Variants in KSR2 observed in about 807,000 individuals in gnomAD.
KSR2 encodes kinase suppressor of ras 2.
In KSR2, 25 loss-of-function variants were observed where a neutral mutation model predicts 107.8. The observed-to-expected ratio is 0.23, with a 90% confidence interval of 0.17 to 0.32. The LOEUF is 0.32. Ranked by LOEUF, KSR2 falls within the 10% of genes least tolerant of loss-of-function variation. KSR2 has a pLI of 1.00. For synonymous variants in KSR2, 480 were observed against 507.0 expected, an observed-to-expected ratio of 0.95 and a Z score of 0.71; for missense variants, 887 against 1,268.9, an observed-to-expected ratio of 0.70 and a Z score of 4.57.
intron 3 of KSR2, among the ~76,000 whole-genome samples, chr12:117,774,797 G>A (rs1889627310): frequency 1.3e-5 from 2 of 151,920 alleles, no homozygotes; most frequent in African/African-American, 2.4e-5. Context: ...AGAAAACCCT[G>A]TCCCCATTCG....
chr12:117,558,327 T>C (rs964970797), intron 8 of KSR2, among the ~76,000 whole-genome samples, 179 bp downstream of exon 8: 4 of 151,636 alleles, frequency 2.6e-5, no homozygotes, highest in Admixed American at 2.6e-4. Context: ...AGAACAGGCA[T>C]AGGGGAGGAT....
chr12:117,881,356 C>G (rs1894022217), intron 1 of KSR2, among the ~76,000 whole-genome samples: 1 of 152,122 alleles, frequency 6.6e-6, no homozygotes, highest in African/African-American at 2.4e-5. Context: ...ACACTACAGA[C>G]CGGCCACTCC....
intron 5 of KSR2, among the ~76,000 whole-genome samples, chr12:117,584,837 C>T (rs1412412205): frequency 6.6e-6 from 1 of 152,134 alleles, no homozygotes; most frequent in African/African-American, 2.4e-5. Flanking sequence ...ATCATTATTC[C>T]CGTTGTGCAA....
intron 1 of KSR2, among the ~76,000 whole-genome samples, chr12:117,908,189 AT>A (rs1785387953): frequency 6.6e-6 from 1 of 152,174 alleles, no homozygotes; most frequent in Non-Finnish European, 1.5e-5. Flanking sequence ...TATCTCATAT[AT>A]CCATTTACAT....
intron 4 of KSR2, among the ~76,000 whole-genome samples, chr12:117,747,111 T>C (rs1473581481): frequency 6.6e-6 from 1 of 152,200 alleles, no homozygotes; most frequent in East Asian, 1.9e-4. Flanking sequence ...TACATCATTC[T>C]ACTATAAAGA....
chr12:117,710,371 G>A (rs990319063), intron 4 of KSR2, among the ~76,000 whole-genome samples: 3 of 152,198 alleles, frequency 2.0e-5, no homozygotes, highest in Non-Finnish European at 2.9e-5. Context: ...TGGAAATAAT[G>A]GAACATTCAA....
chr12:117,646,577 G>A (rs4766867), intron 5 of KSR2, among the ~76,000 whole-genome samples: 70,515 of 151,934 alleles, frequency 0.46, 18,733 homozygotes, highest in Non-Finnish European at 0.6. Context: ...GGAATAGAAA[G>A]TAAATACTCC....
chr12:117,742,686 G>A (rs1012054932), intron 4 of KSR2, among the ~76,000 whole-genome samples: 5 of 152,206 alleles, frequency 3.3e-5, no homozygotes, highest in Non-Finnish European at 5.9e-5. Flanking sequence ...TTGCAAGTCT[G>A]AAATAATGTC....
At chr12:117,879,407 TA>T (rs1566064281) in intron 1 of KSR2, among the ~76,000 whole-genome samples, 1 of 152,236 alleles carries the variant, frequency 6.6e-6, no homozygotes, top group Non-Finnish European at 1.5e-5. Context: ...GAAAGCAACT[TA>T]AGGCTAGGCA....
At chr12:117,873,294 G>A (rs1387065029) in intron 1 of KSR2, among the ~76,000 whole-genome samples, 3 of 145,170 alleles carry the variant, frequency 2.1e-5, no homozygotes, top group African/African-American at 2.6e-5. Context: ...GCAGTGAGCC[G>A]ATATGCACCA....
At chr12:117,673,522 G>T (rs1007764556) in intron 4 of KSR2, among the ~76,000 whole-genome samples, 7 of 152,118 alleles carry the variant, frequency 4.6e-5, no homozygotes, top group African/African-American at 1.7e-4. Context: ...AAGAAGGGCA[G>T]AAGAGAGAAT....
chr12:117,814,853 A>T (rs1250882726), intron 3 of KSR2, among the ~76,000 whole-genome samples: 4 of 152,194 alleles, frequency 2.6e-5, no homozygotes, highest in Non-Finnish European at 4.4e-5. Context: ...AGACCAGCTG[A>T]ATAAGTATCT....
chr12:117,745,590 G>A (rs973739902), intron 4 of KSR2, among the ~76,000 whole-genome samples: 36 of 152,102 alleles, frequency 2.4e-4, no homozygotes, highest in African/African-American at 8.2e-4. Context: ...GAGCAATCAG[G>A]CAAGAGAAAG....
At chr12:117,753,493 C>A (rs759690029) in intron 4 of KSR2, among the ~76,000 whole-genome samples, 1 of 152,074 alleles carries the variant, frequency 6.6e-6, no homozygotes, top group African/African-American at 2.4e-5. Flanking sequence ...TAAAATAGAA[C>A]AAGATCATGT....
chr12:117,511,431 A>G (rs902126616), intron 14 of KSR2, among the ~76,000 whole-genome samples: 1 of 151,904 alleles, frequency 6.6e-6, no homozygotes, highest in African/African-American at 2.4e-5. Flanking sequence ...CCAAACAAAG[A>G]TTTTATGCAT....
chr12:117,936,488 G>A lies in KSR2; in HGVS notation c.180+31588C>T, dbSNP rs186310729. On this transcript the variant is annotated intron_variant, in intron 1 of 19. Transcript: ENST00000339824. Reference sequence around the variant, plus strand: ...ACTACAGGTGCACACCACCATGCCTGGCTACTTTATCATTATTATTATTTT... The same window carrying A: ...ACTACAGGTGCACACCACCATGCCTAGCTACTTTATCATTATTATTATTTT... 2.4e-3 allele frequency among the ~76,000 whole-genome samples: 356 copies of A among 151,262 alleles called. 2 individuals are homozygous for A. The highest frequency in any genetic ancestry group is 8.1e-3 in the African/African-American group (335 of 41,212).
chr12:117,880,789 T>C (rs1329077794), intron 1 of KSR2, among the ~76,000 whole-genome samples: 1 of 138,048 alleles, frequency 7.2e-6, no homozygotes, highest in Non-Finnish European at 1.5e-5. Context: ...CACCTCAGCC[T>C]CCCAAGTAGC....
At chr12:117,637,684 T>TTTTTC (rs1555223742) in intron 5 of KSR2, among the ~76,000 whole-genome samples, 3 of 133,032 alleles carry the variant, frequency 2.3e-5, no homozygotes, top group Admixed American at 7.6e-5. Flanking sequence ...GGTTTTTTTT[T>TTTTTC]TTTTTTTTTT....
chr12:117,730,555 C>T (rs556712433), intron 4 of KSR2, among the ~76,000 whole-genome samples: 1 of 152,086 alleles, frequency 6.6e-6, no homozygotes, highest in South Asian at 2.1e-4. Flanking sequence ...CCCTCTGATG[C>T]TGAGCCGAGG....
Sources: allele counts gnomAD v4.1 joint callset (sites outside exome capture counted in the v4.1 genomes callset), GRCh38; gene constraint gnomAD v4.1.1; transcripts MANE v1.5; gene names NCBI Gene and HGNC (gene_info 2026-07-23, HGNC 2026-07-21).